The following SLIT3 variants were observed in gnomAD, a reference collection of about 807,000 sequenced individuals.
SLIT3 encodes slit homolog 3 protein.
Under a neutral mutation model 184.0 loss-of-function variants are expected in SLIT3, and 68 were observed. The ratio of observed to expected loss-of-function variants is 0.37; its 90% CI spans 0.30 to 0.45. SLIT3 has a LOEUF of 0.45. Ranked by LOEUF, SLIT3 falls within the 20% of genes least tolerant of loss-of-function variation. SLIT3 has a pLI of 1.00. For missense variants in SLIT3, 1,707 were observed against 2,026.0 expected (o/e 0.84, Z 3.02); for synonymous variants, 831 against 828.6 (o/e 1.00, Z -0.05).
chr5:169,238,820 G>A (rs1765293156), intron 3 of SLIT3, among the ~76,000 whole-genome samples: 1 of 152,058 alleles, frequency 6.6e-6, no homozygotes, highest in African/African-American at 2.4e-5. Flanking sequence ...AGTATTATCA[G>A]TCATTATTAC....
chr5:169,073,706 C>G (rs1758633971), intron 4 of SLIT3, among the ~76,000 whole-genome samples: 1 of 151,898 alleles, frequency 6.6e-6, no homozygotes, highest in Non-Finnish European at 1.5e-5. Context: ...TTTAAAAGAG[C>G]CTGGCACCTC....
At chr5:169,061,161 C>A (rs1020202062) in intron 4 of SLIT3, among the ~76,000 whole-genome samples, 2 of 152,182 alleles carry the variant, frequency 1.3e-5, no homozygotes, top group African/African-American at 4.8e-5. Flanking sequence ...TTACATTTTC[C>A]CATGAATGTT....
chr5:168,980,932 A>G (rs1180165296), intron 4 of SLIT3, among the ~76,000 whole-genome samples: 1 of 152,218 alleles, frequency 6.6e-6, no homozygotes, highest in Non-Finnish European at 1.5e-5. Flanking sequence ...ATCAAAAGCA[A>G]TGGTTACCAT....
chr5:169,204,387 T>C (rs766276662), intron 3 of SLIT3, among the ~76,000 whole-genome samples: 5 of 152,138 alleles, frequency 3.3e-5, no homozygotes, highest in Admixed American at 6.5e-5. Flanking sequence ...AACAATGATG[T>C]TGAGACGTCC....
chr5:168,888,816 T>C (rs574696974), intron 4 of SLIT3, among the ~76,000 whole-genome samples: 2 of 152,350 alleles, frequency 1.3e-5, no homozygotes, highest in Admixed American at 1.3e-4. Context: ...GGGCAGTGAA[T>C]TACCATTCTG....
intron 4 of SLIT3, among the ~76,000 whole-genome samples, chr5:169,115,477 T>A (rs1760626890): frequency 6.6e-6 from 1 of 152,166 alleles, no homozygotes; most frequent in Non-Finnish European, 1.5e-5. Context: ...CCCTGGGCAG[T>A]AGGTATTCCT....
Position 169,128,703 on chromosome 5 carries a change from T to C in SLIT3, c.413+64776A>G, listed in dbSNP as rs149057485. Among the ~76,000 whole-genome samples, 792 of 152,314 alleles carry C rather than the reference T, an allele frequency of 5.2e-3. 6 individuals are homozygous for C. The highest frequency in any genetic ancestry group is 0.018 in the African/African-American group (744 of 41,572). The stretch of plus-strand genomic sequence containing the variant: ...TCTCGGCCTCCCAAAGTGTTGGGAT[T>C]ACAGGTGTGAGCCACCGCGCCCAGC... On this transcript the variant is annotated intron_variant, in intron 4 of 35. Transcript: ENST00000519560.
At position 168,711,009 on chromosome 5, in the gene SLIT3, A is replaced by T; in HGVS notation, c.2605T>A (p.Ser869Thr). Reference protein sequence around the residue: ...LHCDCSLRWLSEWVKAGYKEP... With the variant: ...LHCDCSLRWLTEWVKAGYKEP... ...TTGTACCCCGCCTTCACCCACTCCG[A>T]CAGCCACCGAAGACTGCAGTCACAG... The change falls in exon 25 of 36, where the codon TCG (serine) becomes ACG (threonine). Residue 869 changes from serine to threonine, a missense_variant. Transcript: ENST00000519560. 1 of 1,581,598 alleles carries T rather than the reference A, an allele frequency of 6.3e-7. No homozygotes were observed. The highest frequency in any genetic ancestry group is 8.6e-7 in the Non-Finnish European group (1 of 1,162,978).
intron 4 of SLIT3, among the ~76,000 whole-genome samples, chr5:168,996,244 C>T (rs1329810850): frequency 1.5e-4 from 23 of 152,182 alleles, no homozygotes; most frequent in Admixed American, 1.5e-3. Context: ...GCACAGCCCT[C>T]GCAAAGCCTG....
At chr5:169,024,898 G>A (rs1391286258) in intron 4 of SLIT3, 1 of 152,214 alleles carries the variant, frequency 6.6e-6, no homozygotes, top group Non-Finnish European at 1.5e-5. Flanking sequence ...CACAGGATTA[G>A]AGAACAACTG....
intron 18 of SLIT3, among the ~76,000 whole-genome samples, chr5:168,750,067 C>A (rs1581036338): frequency 6.6e-6 from 1 of 152,172 alleles, no homozygotes; most frequent in East Asian, 1.9e-4. Context: ...CCTATCATAT[C>A]TTTTCCCTCA....
chr5:168,890,135 T>C (rs1051511752), intron 4 of SLIT3, among the ~76,000 whole-genome samples: 2 of 89,732 alleles, frequency 2.2e-5, no homozygotes, highest in African/African-American at 9.1e-5. Context: ...CGAGACTCCA[T>C]CTAAAAAAAA....
At chr5:169,194,738 T>C (rs537137707) in intron 3 of SLIT3, among the ~76,000 whole-genome samples, 4 of 152,232 alleles carry the variant, frequency 2.6e-5, no homozygotes, top group African/African-American at 9.6e-5. Context: ...ATCTGCCCAG[T>C]AGGGATGGCT....
At chr5:168,998,702 TCAAAA>T (rs66611793) in intron 4 of SLIT3, among the ~76,000 whole-genome samples, 16,319 of 141,598 alleles carry the variant, frequency 0.12, 1,151 homozygotes, top group Non-Finnish European at 0.16. Context: ...AGACTCCATT[TCAAAA>T]CAAAACAAAA....
chr5:168,762,346 G>A (rs1267642328), intron 15 of SLIT3, among the ~76,000 whole-genome samples, 193 bp downstream of exon 15: 2 of 152,136 alleles, frequency 1.3e-5, no homozygotes, highest in Non-Finnish European at 2.9e-5. Context: ...GGAATGAACT[G>A]TCTTTATTTG....
At chr5:169,080,536 C>T (rs1280610047) in intron 4 of SLIT3, among the ~76,000 whole-genome samples, 8 of 152,076 alleles carry the variant, frequency 5.3e-5, no homozygotes, top group East Asian at 1.9e-4. Context: ...CAGAGCCTGC[C>T]GGCACCAGCT....
chr5:169,061,244 G>A (rs1268108758), intron 4 of SLIT3, among the ~76,000 whole-genome samples: 2 of 152,182 alleles, frequency 1.3e-5, no homozygotes, highest in African/African-American at 2.4e-5. Context: ...TGGTGTCACT[G>A]GGCTCTCTTC....
chr5:169,082,446 A>G (rs1336917757), intron 4 of SLIT3, among the ~76,000 whole-genome samples: 1 of 152,250 alleles, frequency 6.6e-6, no homozygotes, highest in Non-Finnish European at 1.5e-5. Context: ...TCTTTAAAAA[A>G]TAACACACAA....
chr5:169,193,799 C>T (rs922296122), intron 3 of SLIT3, among the ~76,000 whole-genome samples: 14 of 152,198 alleles, frequency 9.2e-5, no homozygotes, highest in African/African-American at 3.4e-4. Context: ...TGCCACACCT[C>T]CATCAGTCTT....
Sources: allele counts gnomAD v4.1 joint callset (sites outside exome capture counted in the v4.1 genomes callset), GRCh38; gene constraint gnomAD v4.1.1; transcripts MANE v1.5; gene names NCBI Gene and HGNC (gene_info 2026-07-23, HGNC 2026-07-21).